Variants in VPS13B observed in about 807,000 individuals in gnomAD.
VPS13B encodes the protein intermembrane lipid transfer protein VPS13B.
VPS13B carries 285 observed loss-of-function variants against 426.4 expected under a neutral mutation model. The observed-to-expected ratio is 0.67, with a 90% confidence interval of 0.61 to 0.74. The LOEUF (loss-of-function observed/expected upper bound fraction) is 0.74, where lower values mean the gene tolerates loss of function less well. VPS13B is among the 30% of genes least tolerant of loss of function. The probability of loss-of-function intolerance (pLI) is 0.00; values close to 1 mark genes in which losing one functional copy is unlikely to be tolerated. For missense variants in VPS13B, 4,537 were observed against 4,782.6 expected, an observed-to-expected ratio of 0.95 and a Z score of 1.51; for synonymous variants, 1,676 against 1,676.4, an observed-to-expected ratio of 1.00 and a Z score of 0.01.
At position 99,339,608 on chromosome 8, in the gene VPS13B, GT is replaced by G. The variant is rs113242640; in HGVS notation, c.2825-44587del. 1.1e-3 allele frequency among the ~76,000 whole-genome samples: 153 copies of G among 144,062 alleles called. No homozygotes were observed. The Middle Eastern group carries it at 0.011, about 10-fold the overall frequency. The allele number at this position is 144,062 out of a possible 152,430, so 94.5% of individuals were successfully genotyped here. On this transcript the variant is annotated intron_variant, in intron 19 of 61. Coordinates refer to ENST00000357162, the MANE Select transcript of VPS13B (RefSeq NM_152564.5). Reference sequence around the variant, plus strand: ...GGAGACACAGATCCAAACCACGTCAGTTTTTTTTTTTTTCCAGTTTTTTTCA... The same window carrying G: ...GGAGACACAGATCCAAACCACGTCAGTTTTTTTTTTTTCCAGTTTTTTTCA...
intron 20 of VPS13B, among the ~76,000 whole-genome samples, chr8:99,389,056 G>A (rs1814281104): frequency 6.6e-6 from 1 of 152,128 alleles, no homozygotes; most frequent in African/African-American, 2.4e-5. Flanking sequence ...GGCTGAGGCA[G>A]GAGAATCGCT....
At chr8:99,551,266 A>G (rs1431832939) in intron 30 of VPS13B, among the ~76,000 whole-genome samples, 3 of 152,074 alleles carry the variant, frequency 2.0e-5, no homozygotes, top group African/African-American at 7.2e-5. Context: ...ATTTTTAAAT[A>G]GAGTTAAAGT....
chr8:99,775,287 G>A (rs896599270), intron 40 of VPS13B, among the ~76,000 whole-genome samples: 2 of 152,090 alleles, frequency 1.3e-5, no homozygotes, highest in African/African-American at 4.8e-5. Flanking sequence ...TTCTCCCTAG[G>A]ATACTGTAAA....
chr8:99,741,008 A>C (rs1809691662), intron 39 of VPS13B, among the ~76,000 whole-genome samples: 2 of 152,224 alleles, frequency 1.3e-5, no homozygotes, highest in Admixed American at 6.5e-5. Context: ...TAAATGCTCC[A>C]ATTAAAAGAA....
At chr8:99,113,830 T>C (rs1847509205) in intron 6 of VPS13B, among the ~76,000 whole-genome samples, 1 of 152,214 alleles carries the variant, frequency 6.6e-6, no homozygotes, top group Non-Finnish European at 1.5e-5. Flanking sequence ...CCCAAAGTGC[T>C]GGGATTACAG....
At chr8:99,043,148 G>T (rs867084941) in intron 3 of VPS13B, among the ~76,000 whole-genome samples, 2 of 151,060 alleles carry the variant, frequency 1.3e-5, no homozygotes, top group African/African-American at 4.9e-5. Flanking sequence ...GTTTTTTTTT[G>T]TTTTTTGTTT....
intron 17 of VPS13B, among the ~76,000 whole-genome samples, chr8:99,242,805 C>T (rs1817004959): frequency 6.6e-6 from 1 of 152,084 alleles, no homozygotes; most frequent in African/African-American, 2.4e-5. Flanking sequence ...TTGATAGCGT[C>T]AAACTTGTAA....
chr8:99,858,172 TG>T (rs997969237), intron 56 of VPS13B, among the ~76,000 whole-genome samples: 29 of 152,210 alleles, frequency 1.9e-4, no homozygotes, highest in African/African-American at 7.0e-4. Context: ...AGCACCAGGC[TG>T]GGGAGGTCAG....
chr8:99,674,560 G>A (rs1210179162), intron 35 of VPS13B, among the ~76,000 whole-genome samples: 3 of 151,928 alleles, frequency 2.0e-5, no homozygotes, highest in African/African-American at 7.2e-5. Flanking sequence ...GTGAACGTAA[G>A]CCATTTACAT....
intron 19 of VPS13B, among the ~76,000 whole-genome samples, chr8:99,311,457 A>T (rs542919554): frequency 6.6e-6 from 1 of 152,322 alleles, no homozygotes; most frequent in Admixed American, 6.5e-5. Flanking sequence ...CAGGTTGTTC[A>T]GTTTCCATGT....
At chr8:99,162,738 C>G (rs541487854) in intron 15 of VPS13B, among the ~76,000 whole-genome samples, 2 of 152,130 alleles carry the variant, frequency 1.3e-5, no homozygotes, top group African/African-American at 4.8e-5. Flanking sequence ...ATAAAAGCAG[C>G]GTGGACCCAA....
At chr8:99,611,008 CTG>C (rs1236745909) in intron 33 of VPS13B, among the ~76,000 whole-genome samples, 1 of 152,140 alleles carries the variant, frequency 6.6e-6, no homozygotes, top group Non-Finnish European at 1.5e-5. Context: ...TATAGAAAAA[CTG>C]TTAGATTTGA....
chr8:99,061,258 C>G (rs1441264549), intron 3 of VPS13B, among the ~76,000 whole-genome samples: 2 of 140,706 alleles, frequency 1.4e-5, no homozygotes, highest in South Asian at 4.5e-4. Flanking sequence ...TGCAACAGTT[C>G]TCTGATTTTG....
chr8:99,307,824 C>G (rs1358078649), intron 19 of VPS13B, among the ~76,000 whole-genome samples: 1 of 151,964 alleles, frequency 6.6e-6, no homozygotes, highest in Non-Finnish European at 1.5e-5. Flanking sequence ...TCTTGCTTTT[C>G]TAATTCCTTG....
intron 17 of VPS13B, among the ~76,000 whole-genome samples, chr8:99,259,049 A>G (rs1026436541): frequency 5.3e-5 from 8 of 151,956 alleles, no homozygotes; most frequent in Non-Finnish European, 1.2e-4. Context: ...TTTATTGAGC[A>G]TTTACATGCC....
intron 17 of VPS13B, among the ~76,000 whole-genome samples, chr8:99,239,183 C>A (rs1816788834): frequency 6.6e-6 from 1 of 152,078 alleles, no homozygotes. Flanking sequence ...TAATGACTGA[C>A]CCTTATTCTC....
chr8:99,410,915 A>G (rs1051938922), intron 21 of VPS13B, among the ~76,000 whole-genome samples: 1 of 152,198 alleles, frequency 6.6e-6, no homozygotes, highest in African/African-American at 2.4e-5. Context: ...ATGGCTGCAT[A>G]GTAATCCATG....
Position 99,412,157 on chromosome 8 carries a change from G to A in VPS13B, c.3083-19380G>A, listed in dbSNP as rs115825237. 6.0e-4 allele frequency among the ~76,000 whole-genome samples: 91 copies of A among 152,286 alleles called. 1 individual carries two copies. Among genetic ancestry groups the A allele is most frequent in the African/African-American group, 1.9e-3 (79 of 41,572 alleles). ...ACTTTGGGCAGTTGACCATTTTTGT[G>A]ATATTGATTCCTCCTATCCATGAGT... On this transcript the variant is annotated intron_variant, in intron 21 of 61. Coordinates refer to ENST00000357162, the MANE Select transcript of VPS13B (RefSeq NM_152564.5).
In VPS13B at chr8:99,714,781, C is replaced by T. The variant is rs139965394; in HGVS notation, c.6455-2390C>T. Among the ~76,000 whole-genome samples, 951 of 152,194 alleles carry T rather than the reference C, an allele frequency of 6.2e-3. 7 individuals are homozygous for T. The highest frequency in any genetic ancestry group is 0.021 in the African/African-American group (892 of 41,518). On this transcript the variant is annotated intron_variant, in intron 36 of 61. Transcript: ENST00000357162. Reference sequence around the variant, plus strand: ...AGAATGATTGTCCTGGGTTATTCCACAGTATCAAGGTCATGAAAGACAAAG... The same window carrying T: ...AGAATGATTGTCCTGGGTTATTCCATAGTATCAAGGTCATGAAAGACAAAG...
Sources: allele counts gnomAD v4.1 joint callset (sites outside exome capture counted in the v4.1 genomes callset), GRCh38; gene constraint gnomAD v4.1.1; transcripts MANE v1.5; gene names NCBI Gene and HGNC (gene_info 2026-07-23, HGNC 2026-07-21).